EXOC2: variants seen among roughly 807,000 people sequenced by gnomAD.
EXOC2 encodes the protein exocyst complex component 2.
A neutral mutation model predicts 131.8 loss-of-function variants in EXOC2; 70 were observed. That is an observed-to-expected ratio of 0.53 (90% confidence interval 0.44 to 0.65). The LOEUF (loss-of-function observed/expected upper bound fraction) is 0.65, where lower values mean the gene tolerates loss of function less well. EXOC2 is among the 30% of genes least tolerant of loss of function. The pLI is 0.00. For synonymous variants in EXOC2, 411 were observed against 398.4 expected, an observed-to-expected ratio of 1.03 and a Z score of -0.38; for missense variants, 923 against 1,108.6, an observed-to-expected ratio of 0.83 and a Z score of 2.38.
At chr6:614,769 T>C (rs779057816) in intron 6 of EXOC2, among the ~76,000 whole-genome samples, 1 of 152,182 alleles carries the variant, frequency 6.6e-6, no homozygotes. Context: ...AATCAGGCAT[T>C]GATACTATAT....
chr6:507,395 T>G (rs1208777139), intron 23 of EXOC2, among the ~76,000 whole-genome samples: 1 of 146,514 alleles, frequency 6.8e-6, no homozygotes, highest in African/African-American at 2.6e-5. Context: ...GCTCCTGCAC[T>G]CCCAGGGATT....
At chr6:631,766 CTAAA>C (rs1761870438) in intron 3 of EXOC2, among the ~76,000 whole-genome samples, 3 of 151,822 alleles carry the variant, frequency 2.0e-5, no homozygotes, top group Admixed American at 1.3e-4. Context: ...TTTGAAGACA[CTAAA>C]TAAAAAGAGT....
At chr6:502,234 T>A (rs371942797) in intron 23 of EXOC2, among the ~76,000 whole-genome samples, 3 of 152,194 alleles carry the variant, frequency 2.0e-5, no homozygotes, top group African/African-American at 7.2e-5. Context: ...ATTCACAGCC[T>A]CTGCCCTCAG....
At chr6:544,000 G>A (rs962832677) in intron 22 of EXOC2, among the ~76,000 whole-genome samples, 4 of 152,230 alleles carry the variant, frequency 2.6e-5, no homozygotes, top group Non-Finnish European at 5.9e-5. Context: ...AGAAACTGCT[G>A]AGTATGAAGA....
In EXOC2 at chr6:628,968, C is replaced by T. The variant is rs182146241; in HGVS notation, c.422+867G>A. On this transcript the variant is annotated intron_variant, in intron 4 of 27. Transcript: ENST00000230449. ...TGCTAAGCCCCAGACTTTTTCAACACGTGCTACTTTCCCAAGACAAACATG... is the reference window on the plus strand; with the variant it reads ...TGCTAAGCCCCAGACTTTTTCAACATGTGCTACTTTCCCAAGACAAACATG... 4.6e-5 allele frequency among the ~76,000 whole-genome samples: 7 copies of T among 152,278 alleles called. No individual in the cohort carries two copies. In the East Asian group the frequency reaches 7.7e-4, roughly 17 times the overall value.
At chr6:622,697 T>C (rs1237180573) in intron 4 of EXOC2, among the ~76,000 whole-genome samples, 2 of 152,184 alleles carry the variant, frequency 1.3e-5, no homozygotes, top group African/African-American at 4.8e-5. Context: ...TAAAAAATGT[T>C]TTAAAAAACA....
At chr6:625,518 CTTTTTT>C (rs796295514) in intron 4 of EXOC2, among the ~76,000 whole-genome samples, 10,697 of 108,014 alleles carry the variant, frequency 0.099, 384 homozygotes, top group African/African-American at 0.21. Context: ...TGTTTCCGTT[CTTTTTT>C]TTTTTTTTTT....
Position 619,459 on chromosome 6 carries a change from C to T in EXOC2, c.507G>A (p.Trp169Ter). 6.2e-7 allele frequency: 1 copy of T among 1,613,978 alleles called. No individual in the cohort carries two copies. Among genetic ancestry groups the T allele is most frequent in the Non-Finnish European group, 8.5e-7 (1 of 1,179,906 alleles). ...TGTTTGAGTGATTCTCTATAAGATACCAGGCTGCTGAGAAATTCTCACTTG... is the reference window on the plus strand; with the variant it reads ...TGTTTGAGTGATTCTCTATAAGATATCAGGCTGCTGAGAAATTCTCACTTG... ...DFTSENFSAA[W>*]YLIENHSNTS... is the part of the protein sequence containing the mutation. Residue 169 changes from tryptophan to a stop codon, truncating the protein, a stop_gained, in exon 5 of 28, where the codon TGG (tryptophan) becomes TGA (stop). Transcript: ENST00000230449. LOFTEE classifies it high-confidence loss of function.
At chr6:548,662 C>G (rs1381089321) in intron 22 of EXOC2, among the ~76,000 whole-genome samples, 1 of 152,160 alleles carries the variant, frequency 6.6e-6, no homozygotes, top group African/African-American at 2.4e-5. Context: ...CTGTTCTGAG[C>G]CAGCGGCTGT....
chr6:487,612 G>GGCCAGGA (rs1250082939), intron 27 of EXOC2, among the ~76,000 whole-genome samples: 1 of 151,968 alleles, frequency 6.6e-6, no homozygotes, highest in Non-Finnish European at 1.5e-5. Context: ...TTACCATGTT[G>GGCCAGGA]GCCAGGATGG....
rs181902999 is a variant in EXOC2, at chr6:517,182, A to G, written c.2380+15287T>C. 1.8e-4 allele frequency among the ~76,000 whole-genome samples: 28 copies of G among 152,264 alleles called. No homozygotes were observed. In the East Asian group the frequency reaches 4.6e-3, roughly 25 times the overall value. On this transcript the variant is annotated intron_variant, in intron 23 of 27. Transcript: ENST00000230449. ...GGAAAGAAATAAAAGAGAAGAAGGAAGATGTTCATATTTCATATTCCATCA... is the reference window on the plus strand; with the variant it reads ...GGAAAGAAATAAAAGAGAAGAAGGAGGATGTTCATATTTCATATTCCATCA...
At chr6:593,372 T>A (rs547911523) in intron 10 of EXOC2, among the ~76,000 whole-genome samples, 1 of 152,350 alleles carries the variant, frequency 6.6e-6, no homozygotes, top group Non-Finnish European at 1.5e-5. Context: ...AAATGAGGGC[T>A]AACCGAACTG....
Position 550,999 on chromosome 6 carries a change from T to C in EXOC2, c.2122-1708A>G, listed in dbSNP as rs529896077. Among the ~76,000 whole-genome samples, 25 of 152,346 alleles carry C rather than the reference T, an allele frequency of 1.6e-4. 2 individuals are homozygous for C. The highest frequency in any genetic ancestry group is 1.4e-3 in the South Asian group (7 of 4,828). ...CTATTTGAGTGATTTAAAGTCTTCC[T>C]CCTATAAGTACATTTGTTGCTCAAA... On this transcript the variant is annotated intron_variant, in intron 21 of 27. Transcript: ENST00000230449.
In EXOC2 at chr6:633,134, G is replaced by A; in HGVS notation, c.119-17C>T. On this transcript the variant is annotated splice_polypyrimidine_tract_variant and intron_variant, in intron 2 of 27. Coordinates refer to ENST00000230449, the MANE Select transcript of EXOC2 (RefSeq NM_018303.6). ...TGGTCAAGCCTGAAAATAAACGCATGTGCATAACAAAATTCAAAGACAAGA... is the reference window on the plus strand; with the variant it reads ...TGGTCAAGCCTGAAAATAAACGCATATGCATAACAAAATTCAAAGACAAGA... 2 of 1,607,602 alleles carry A rather than the reference G, an allele frequency of 1.2e-6. No homozygotes were observed. The highest frequency in any genetic ancestry group is 2.2e-5 in the South Asian group (2 of 90,592).
intron 16 of EXOC2, 81 bp from the exon 17 acceptor site, chr6:562,926 T>G: frequency 9.9e-7 from 1 of 1,006,310 alleles, no homozygotes; most frequent in Non-Finnish European, 1.4e-6. Context: ...ATACAGGTTA[T>G]GGTTTTTCAT....
chr6:545,843 T>C (rs1391794510), intron 22 of EXOC2, among the ~76,000 whole-genome samples: 1 of 152,186 alleles, frequency 6.6e-6, no homozygotes, highest in African/African-American at 2.4e-5. Flanking sequence ...TTAAAAATAC[T>C]ACGTATACCC....
At chr6:560,771 G>A (rs767435303) in intron 17 of EXOC2, among the ~76,000 whole-genome samples, 31 of 151,450 alleles carry the variant, frequency 2.0e-4, no homozygotes, top group Non-Finnish European at 4.0e-4. Context: ...GCAATGGCGC[G>A]GTCTCGGCTC....
At chr6:597,476 G>A (rs1581522049) in intron 10 of EXOC2, among the ~76,000 whole-genome samples, 1 of 152,110 alleles carries the variant, frequency 6.6e-6, no homozygotes, top group South Asian at 2.1e-4. Context: ...CACGGTGCCC[G>A]GCCCAATATT....
intron 25 of EXOC2, among the ~76,000 whole-genome samples, chr6:493,729 C>T (rs1763564576): frequency 1.3e-5 from 2 of 152,208 alleles, no homozygotes; most frequent in South Asian, 4.2e-4. Context: ...CAAAGTCATT[C>T]TCAGTGGGAG....
Sources: allele counts gnomAD v4.1 joint callset (sites outside exome capture counted in the v4.1 genomes callset), GRCh38; gene constraint gnomAD v4.1.1; transcripts MANE v1.5; gene names NCBI Gene and HGNC (gene_info 2026-07-23, HGNC 2026-07-21).